Variants in JAK2 observed in about 807,000 individuals in gnomAD.
The protein encoded by JAK2 is Janus kinase 2.
In JAK2, 86 loss-of-function variants were observed where a neutral mutation model predicts 139.3. The ratio of observed to expected loss-of-function variants is 0.62; its 90% CI spans 0.52 to 0.74. The LOEUF (loss-of-function observed/expected upper bound fraction) is 0.74, where lower values mean the gene tolerates loss of function less well. Ranked by LOEUF, JAK2 falls within the 30% of genes least tolerant of loss-of-function variation. The pLI is 0.00. For synonymous variants in JAK2, 490 were observed against 437.7 expected, an observed-to-expected ratio of 1.12 and a Z score of -1.49; for missense variants, 1,421 against 1,360.3, an observed-to-expected ratio of 1.04 and a Z score of -0.70.
chr9:5,019,149 A>G (rs1822253553), intron 2 of JAK2, among the ~76,000 whole-genome samples: 1 of 152,104 alleles, frequency 6.6e-6, no homozygotes, highest in Non-Finnish European at 1.5e-5. Context: ...CAGGTTTTCT[A>G]TTCCTTTTGT....
intron 16 of JAK2, 61 bp downstream of exon 16, chr9:5,078,505 G>T: frequency 1.2e-5 from 16 of 1,280,952 alleles, no homozygotes; most frequent in South Asian, 3.1e-5. Context: ...TGGTGTAAAG[G>T]GCATGTTGTT....
intron 9 of JAK2, among the ~76,000 whole-genome samples, chr9:5,066,333 C>A (rs1818567219): frequency 6.6e-6 from 1 of 151,992 alleles, no homozygotes; most frequent in African/African-American, 2.4e-5. Flanking sequence ...GATATATAAT[C>A]TTTATAGTTA....
Position 5,080,285 on chromosome 9 carries a change from T to A in JAK2, c.2188T>A (p.Leu730Ile), listed in dbSNP as rs777579876. The change falls in exon 17 of 25, where the codon TTA (leucine) becomes ATA (isoleucine). Residue 730 changes from leucine (L) to isoleucine (I), a missense_variant. Transcript: ENST00000381652. ...TGAATGCATTGAAAATCCTAAAAAT[T>A]TAAATTTGGCAACAGACAAATGGAG... ...PPECIENPKN[L>I]NLATDKWSFG... 13 of 1,613,626 alleles carry A rather than the reference T, an allele frequency of 8.1e-6. No individual in the cohort carries two copies. The African/African-American group carries it at 9.3e-5, about 12-fold the overall frequency.
intron 22 of JAK2, among the ~76,000 whole-genome samples, chr9:5,116,601 G>A (rs980773589): frequency 6.6e-6 from 1 of 152,130 alleles, no homozygotes; most frequent in Non-Finnish European, 1.5e-5. Flanking sequence ...GTTATATGAA[G>A]ATTCAGAGAT....
intron 23 of JAK2, 35 bp from the exon 24 acceptor site, chr9:5,126,298 A>C: frequency 7.0e-7 from 1 of 1,432,224 alleles, no homozygotes; most frequent in Non-Finnish European, 9.7e-7. Context: ...TACAAATTAA[A>C]TGTACAAAAA....
At chr9:5,082,863 G>C (rs1020478256) in intron 19 of JAK2, among the ~76,000 whole-genome samples, 2 of 152,202 alleles carry the variant, frequency 1.3e-5, no homozygotes, top group Non-Finnish European at 2.9e-5. Context: ...GTGAGCTTCA[G>C]GTTGGGGCAA....
At chr9:5,009,987 AGTCTTGAGCTCCAG>A (rs1821586379) in intron 2 of JAK2, among the ~76,000 whole-genome samples, 4 of 152,174 alleles carry the variant, frequency 2.6e-5, no homozygotes, top group African/African-American at 9.7e-5. Context: ...TGCCGGGGCT[AGTCTTGAGCTCCAG>A]GCTCAAACGA....
At chr9:5,081,150 C>A (rs1326401371) in intron 18 of JAK2, among the ~76,000 whole-genome samples, 1 of 152,036 alleles carries the variant, frequency 6.6e-6, no homozygotes, top group Non-Finnish European at 1.5e-5. Context: ...CCGCCTCGGC[C>A]TCCCAAAGTG....
At chr9:5,028,717 T>C (rs1159734798) in intron 3 of JAK2, among the ~76,000 whole-genome samples, 3 of 152,388 alleles carry the variant, frequency 2.0e-5, no homozygotes, top group East Asian at 1.9e-4. Context: ...TGCACTTTTA[T>C]GTTAGGGACA....
At chr9:5,062,838 G>A (rs1361528033) in intron 8 of JAK2, among the ~76,000 whole-genome samples, 1 of 152,110 alleles carries the variant, frequency 6.6e-6, no homozygotes, top group Non-Finnish European at 1.5e-5. Flanking sequence ...AATACCTCAT[G>A]TGTTTATAGG....
intron 11 of JAK2, among the ~76,000 whole-genome samples, 174 bp from the exon 12 acceptor site, chr9:5,069,751 A>C (rs953440116): frequency 9.9e-5 from 15 of 152,170 alleles, no homozygotes; most frequent in African/African-American, 3.4e-4. Flanking sequence ...ACTAAGAAGA[A>C]ATATCAAAGT....
intron 2 of JAK2, among the ~76,000 whole-genome samples, chr9:5,005,527 T>C (rs994824797): frequency 6.6e-6 from 1 of 152,194 alleles, no homozygotes; most frequent in Non-Finnish European, 1.5e-5. Flanking sequence ...TTGGTCAAGA[T>C]GTATTCTTTT....
rs1276410672 is a variant in JAK2 at position 5,072,679 on chromosome 9, T to A, written c.1776+53T>A. On this transcript the variant is annotated intron_variant, in intron 13 of 24. Transcript: ENST00000381652. ...TAGTTTATGCTGTTTAAAGATGTGCTCTCATATGCATACAACGTACTCATG... is the reference window on the plus strand; with the variant it reads ...TAGTTTATGCTGTTTAAAGATGTGCACTCATATGCATACAACGTACTCATG... 1.2e-5 allele frequency: 16 copies of A among 1,374,646 alleles called. No individual in the cohort carries two copies. In the East Asian group the frequency reaches 3.7e-4, roughly 32 times the overall value. 85.2% of individuals were successfully genotyped at this position (1,374,646 alleles called of 1,614,324 possible).
At chr9:4,998,295 C>T (rs1820706508) in intron 2 of JAK2, among the ~76,000 whole-genome samples, 1 of 152,032 alleles carries the variant, frequency 6.6e-6, no homozygotes, top group Non-Finnish European at 1.5e-5. Flanking sequence ...CTTGCTCTGT[C>T]ACCCAGGCTG....
In JAK2 at chr9:5,128,149, T is replaced by G. The variant is rs1189156539; in HGVS notation, c.*1358T>G. 4.3e-6 allele frequency: 1 copy of G among 232,148 alleles called. No homozygotes were observed. The highest frequency in any genetic ancestry group is 8.5e-6 in the Non-Finnish European group (1 of 117,432). 14.4% of individuals were successfully genotyped at this position (232,148 alleles called of 1,614,324 possible). On this transcript the variant is annotated 3_prime_UTR_variant, in exon 25 of 25. Coordinates refer to ENST00000381652, the MANE Select transcript of JAK2 (RefSeq NM_004972.4). ...TTTATACAAAACTTAAAATACTTGC[T>G]GTTTTGATTAAAAAGAAAATAGTTT...
At chr9:5,002,153 A>G (rs138081803) in intron 2 of JAK2, among the ~76,000 whole-genome samples, 23 of 151,632 alleles carry the variant, frequency 1.5e-4, no homozygotes, top group Admixed American at 1.2e-3. Flanking sequence ...GATTTTCTTT[A>G]TTGTTTTATA....
intron 22 of JAK2, chr9:5,096,691 C>T (rs989347776): frequency 1.3e-5 from 2 of 152,164 alleles, no homozygotes; most frequent in Non-Finnish European, 2.9e-5. Context: ...TGATTGTTTT[C>T]AACCAATCAC....
chr9:5,026,385 A>G (rs1312935661), intron 3 of JAK2, among the ~76,000 whole-genome samples: 2 of 152,226 alleles, frequency 1.3e-5, no homozygotes, highest in African/African-American at 4.8e-5. Flanking sequence ...GCTGCTAAAT[A>G]ATGTTATTAT....
intron 22 of JAK2, among the ~76,000 whole-genome samples, chr9:5,101,916 A>T (rs974561983): frequency 2.0e-5 from 3 of 152,250 alleles, no homozygotes; most frequent in Non-Finnish European, 2.9e-5. Context: ...ACCAAAGACC[A>T]AAAGTAGATA....
Sources: allele counts gnomAD v4.1 joint callset (sites outside exome capture counted in the v4.1 genomes callset), GRCh38; gene constraint gnomAD v4.1.1; transcripts MANE v1.5; gene names NCBI Gene and HGNC (gene_info 2026-07-23, HGNC 2026-07-21).